SLC12A2: variants seen among roughly 807,000 people sequenced by gnomAD.
The protein encoded by SLC12A2 is Na-K-2Cl cotransporter 1.
Under a neutral mutation model 136.3 loss-of-function variants are expected in SLC12A2, and 67 were observed. The observed-to-expected ratio is 0.49, with a 90% CI of 0.40 to 0.60. The LOEUF (loss-of-function observed/expected upper bound fraction) is 0.60, where lower values mean the gene tolerates loss of function less well. SLC12A2 is among the 20% of genes least tolerant of loss of function. The pLI is 0.00. For missense variants in SLC12A2, 1,322 were observed against 1,534.7 expected (o/e 0.86, Z 2.32); for synonymous variants, 619 against 562.9 (o/e 1.10, Z -1.41).
intron 5 of SLC12A2, among the ~76,000 whole-genome samples, chr5:128,132,263 G>A (rs1762049840): frequency 2.0e-5 from 3 of 152,050 alleles, no homozygotes; most frequent in African/African-American, 4.8e-5. Context: ...GGTGTCCTGG[G>A]AGAGGAGATG....
chr5:128,177,065 G>A, intron 20 of SLC12A2, 40 bp from the exon 21 acceptor site: 2 of 1,273,410 alleles, frequency 1.6e-6, no homozygotes, highest in Non-Finnish European at 2.2e-6. Flanking sequence ...TTAATATAAA[G>A]GCAATTAACA....
intron 7 of SLC12A2, among the ~76,000 whole-genome samples, chr5:128,137,551 C>T (rs562614879): frequency 2.6e-5 from 4 of 152,266 alleles, no homozygotes; most frequent in Non-Finnish European, 4.4e-5. Flanking sequence ...TGGTCATTTG[C>T]TATTGAGACT....
chr5:128,134,484 C>G (rs1289956466), intron 6 of SLC12A2, among the ~76,000 whole-genome samples: 1 of 152,016 alleles, frequency 6.6e-6, no homozygotes. Context: ...TAGTTAAACA[C>G]AGTACTTTGT....
At position 128,184,551 on chromosome 5, in the gene SLC12A2, T is replaced by C. The variant is rs868190457; in HGVS notation, c.3435+50T>C. 2.0e-6 allele frequency: 3 copies of C among 1,471,922 alleles called. No individual in the cohort carries two copies. In the Middle Eastern group the frequency reaches 5.8e-4, roughly 283 times the overall value. The allele number at this position is 1,471,922 out of a possible 1,614,324, so 91.2% of individuals were successfully genotyped here. The stretch of plus-strand genomic sequence containing the variant: ...TTAATCTTTTATATAATAAAAGACA[T>C]GAAAACCAAGAACTTTAATTTGATA... On this transcript the variant is annotated intron_variant, in intron 25 of 26. Coordinates refer to ENST00000262461, the MANE Select transcript of SLC12A2 (RefSeq NM_001046.3).
chr5:128,151,153 T>G, intron 13 of SLC12A2, 88 bp from the exon 14 acceptor site: 2 of 1,179,200 alleles, frequency 1.7e-6, no homozygotes, highest in East Asian at 2.6e-5. Flanking sequence ...GTGGCAACCA[T>G]AAAGAATGTT....
At chr5:128,126,724 T>G (rs1003946994) in intron 4 of SLC12A2, among the ~76,000 whole-genome samples, 3 of 151,894 alleles carry the variant, frequency 2.0e-5, no homozygotes, top group Non-Finnish European at 4.4e-5. Flanking sequence ...CTAGAAGTGT[T>G]GAGAATAAAC....
In SLC12A2 at chr5:128,187,611, C is replaced by T. The variant is rs922043282; in HGVS notation, c.*980C>T. On this transcript the variant is annotated 3_prime_UTR_variant, in exon 27 of 27. Transcript: ENST00000262461. ...GTATACTGTACTATCCTTTATAAGT[C>T]ATTAAAATAATGTTTCATCAAATGG... 4.6e-5 allele frequency: 7 copies of T among 152,372 alleles called. No individual in the cohort carries two copies. The highest frequency in any genetic ancestry group is 3.3e-4 in the Admixed American group (5 of 15,262). The allele number at this position is 152,372 out of a possible 1,614,324, so 9.4% of individuals were successfully genotyped here.
intron 7 of SLC12A2, among the ~76,000 whole-genome samples, chr5:128,136,681 C>G (rs1644826332): frequency 6.6e-6 from 1 of 152,080 alleles, no homozygotes; most frequent in Non-Finnish European, 1.5e-5. Context: ...GTCAGATACC[C>G]TAGGTGCCTA....
intron 7 of SLC12A2, among the ~76,000 whole-genome samples, chr5:128,138,263 C>A (rs958847897): frequency 6.6e-6 from 1 of 152,262 alleles, no homozygotes; most frequent in South Asian, 2.1e-4. Context: ...TACCTCCCTT[C>A]TTGCTTCTTT....
At chr5:128,146,293 C>T (rs1311121813) in intron 10 of SLC12A2, among the ~76,000 whole-genome samples, 1 of 151,742 alleles carries the variant, frequency 6.6e-6, no homozygotes, top group African/African-American at 2.4e-5. Flanking sequence ...GTTCATATTT[C>T]TCCACTTGTC....
intron 5 of SLC12A2, among the ~76,000 whole-genome samples, chr5:128,132,314 T>G (rs891343163): frequency 1.3e-5 from 2 of 152,106 alleles, no homozygotes; most frequent in Non-Finnish European, 2.9e-5. Flanking sequence ...GCGGGAAAGA[T>G]GTGGGCGAAT....
intron 1 of SLC12A2, among the ~76,000 whole-genome samples, chr5:128,109,080 A>G (rs940295399): frequency 2.6e-5 from 4 of 152,238 alleles, no homozygotes; most frequent in African/African-American, 7.2e-5. Context: ...TTTTCCATGT[A>G]TTTCACATAG....
chr5:128,180,616 T>C (rs1254035133), intron 22 of SLC12A2, among the ~76,000 whole-genome samples: 1 of 152,198 alleles, frequency 6.6e-6, no homozygotes, highest in Non-Finnish European at 1.5e-5. Flanking sequence ...ATTATACTTA[T>C]TTTCTCAATC....
At chr5:128,085,664 G>A (rs1318236285) in intron 1 of SLC12A2, among the ~76,000 whole-genome samples, 2 of 152,178 alleles carry the variant, frequency 1.3e-5, no homozygotes, top group Admixed American at 1.3e-4. Flanking sequence ...TACATTGATG[G>A]AATTTGTGAA....
At chr5:128,144,396 G>GT (rs1426453397) in intron 10 of SLC12A2, among the ~76,000 whole-genome samples, 1 of 152,068 alleles carries the variant, frequency 6.6e-6, no homozygotes, top group Non-Finnish European at 1.5e-5. Context: ...TGAGGAGTAT[G>GT]TAAGTTGGAG....
intron 1 of SLC12A2, among the ~76,000 whole-genome samples, chr5:128,089,364 G>A (rs987068454): frequency 3.3e-5 from 5 of 152,122 alleles, no homozygotes; most frequent in African/African-American, 7.2e-5. Flanking sequence ...CAGCCACTGC[G>A]CTTCAGCATG....
chr5:128,112,744 A>C (rs1052129204), intron 1 of SLC12A2, 70 bp from the exon 2 acceptor site: 4 of 1,186,204 alleles, frequency 3.4e-6, no homozygotes, highest in Non-Finnish European at 4.8e-6. Context: ...GTATTTAGTT[A>C]TGTTTGTTTT....
intron 26 of SLC12A2, among the ~76,000 whole-genome samples, chr5:128,185,105 C>T (rs1056192524): frequency 1.3e-5 from 2 of 151,834 alleles, no homozygotes; most frequent in African/African-American, 4.8e-5. Flanking sequence ...TTTTGTTTAC[C>T]CTTCTTCTCA....
At chr5:128,167,947 G>T in intron 18 of SLC12A2, 80 bp downstream of exon 18, 1 of 742,554 alleles carries the variant, frequency 1.3e-6, no homozygotes. Context: ...TTTGGAGACT[G>T]TTTCTCATAT....
Sources: allele counts gnomAD v4.1 joint callset (sites outside exome capture counted in the v4.1 genomes callset), GRCh38; gene constraint gnomAD v4.1.1; transcripts MANE v1.5; gene names NCBI Gene and HGNC (gene_info 2026-07-23, HGNC 2026-07-21).